HERC1: variants seen among roughly 807,000 people sequenced by gnomAD.
HERC1 encodes probable E3 ubiquitin-protein ligase HERC1.
Under a neutral mutation model 554.3 loss-of-function variants are expected in HERC1, and 160 were observed. The ratio of observed to expected loss-of-function variants is 0.29; its 90% CI spans 0.25 to 0.33. The LOEUF (loss-of-function observed/expected upper bound fraction) is 0.33. HERC1 is among the 10% of genes least tolerant of loss of function. The pLI is 1.00. For missense variants in HERC1, 4,919 were observed against 5,918.5 expected (o/e 0.83, Z 5.54); for synonymous variants, 2,175 against 2,131.7 (o/e 1.02, Z -0.56).
Position 63,640,387 on chromosome 15 carries a change from G to A in HERC1, c.11666C>T (p.Ser3889Phe). The change falls in exon 61 of 78, where the codon TCC (serine) becomes TTC (phenylalanine). Residue 3889 changes from serine to phenylalanine, a missense_variant. This residue lies in a region of HERC1 where 1,963 missense variants were observed against 2,228.6 expected (regional missense o/e 0.88). Transcript: ENST00000443617. ...ATCCAGATGAAGTCCCACAGCAAGG[G>A]AAGCCAAGCATTGCATATAGGGGCT... is the stretch of plus-strand genomic sequence containing the variant. ...VHSPYMQCLA[S>F]LAVGLHLDQL... 1 of 1,613,882 alleles carries A rather than the reference G, an allele frequency of 6.2e-7. No homozygotes were observed. The highest frequency in any genetic ancestry group is 8.5e-7 in the Non-Finnish European group (1 of 1,179,808).
At chr15:63,771,278 A>T (rs904197360) in intron 2 of HERC1, among the ~76,000 whole-genome samples, 5 of 152,118 alleles carry the variant, frequency 3.3e-5, no homozygotes, top group African/African-American at 9.7e-5. Context: ...AATAACAAAT[A>T]TATAATTCAG....
chr15:63,614,417 A>G (rs1162713515), intron 76 of HERC1, among the ~76,000 whole-genome samples: 2 of 152,246 alleles, frequency 1.3e-5, no homozygotes, highest in African/African-American at 4.8e-5. Flanking sequence ...ATTTCTAGTC[A>G]GTTATTTATT....
intron 3 of HERC1, among the ~76,000 whole-genome samples, chr15:63,760,534 A>G (rs1348171081): frequency 6.6e-6 from 1 of 151,852 alleles, no homozygotes; most frequent in African/African-American, 2.4e-5. Context: ...GAAATAAGAG[A>G]AAAAAATCAT....
At chr15:63,653,824 C>T (rs189182570) in intron 51 of HERC1, among the ~76,000 whole-genome samples, 4 of 152,272 alleles carry the variant, frequency 2.6e-5, no homozygotes, top group Admixed American at 6.5e-5. Flanking sequence ...GCAGAACCCA[C>T]GGATACAGAG....
In HERC1 at chr15:63,624,287, A is replaced by G; in HGVS notation, c.13316T>C (p.Val4439Ala). ...TAACAAAGGCCGAAGTTGTCCCTGT[A>G]CAATGCCCCAAGTTCCAGCATTATA... is the stretch of plus-strand genomic sequence containing the variant. The part of the protein sequence containing the change: ...SHYNAGTWGI[V>A]QGQLRPLLAP... Residue 4439 changes from valine (V) to alanine (A), a missense_variant, in exon 72 of 78, where the codon GTA becomes GCA. By Grantham distance (64) the Val-to-Ala change is moderately conservative. Coordinates refer to ENST00000443617, the MANE Select transcript of HERC1 (RefSeq NM_003922.4). 6.2e-7 allele frequency: 1 copy of G among 1,612,936 alleles called. No homozygotes were observed. Among genetic ancestry groups the G allele is most frequent in the Non-Finnish European group, 8.5e-7 (1 of 1,179,078 alleles).
At chr15:63,797,821 A>G (rs2076858227) in intron 1 of HERC1, among the ~76,000 whole-genome samples, 1 of 152,254 alleles carries the variant, frequency 6.6e-6, no homozygotes, top group Non-Finnish European at 1.5e-5. Context: ...CTGAATTATC[A>G]CAAAAATCCG....
intron 3 of HERC1, among the ~76,000 whole-genome samples, chr15:63,762,919 G>A (rs1054721256): frequency 1.3e-5 from 2 of 152,218 alleles, no homozygotes; most frequent in African/African-American, 4.8e-5. Context: ...GCTCTCCTAG[G>A]CTCCTATTCC....
chr15:63,689,797 C>T (rs1049325001), intron 32 of HERC1, 98 bp from the exon 33 acceptor site: 12 of 649,944 alleles, frequency 1.8e-5, no homozygotes, highest in South Asian at 2.2e-5. Flanking sequence ...AACTCGCATG[C>T]GAAGTTTGAT....
At chr15:63,648,393 C>T (rs2069469844) in intron 54 of HERC1, among the ~76,000 whole-genome samples, 194 bp from the exon 55 acceptor site, 1 of 152,174 alleles carries the variant, frequency 6.6e-6, no homozygotes, top group Non-Finnish European at 1.5e-5. Flanking sequence ...AAAAGTGTCG[C>T]TTATCTGTGA....
chr15:63,747,106 G>A, intron 11 of HERC1, 23 bp from the exon 12 acceptor site: 1 of 1,578,934 alleles, frequency 6.3e-7, no homozygotes, highest in Non-Finnish European at 8.6e-7. Flanking sequence ...AAACGTCTAT[G>A]AATTCTCGGA....
intron 34 of HERC1, among the ~76,000 whole-genome samples, chr15:63,682,411 A>G (rs1406073683): frequency 6.6e-6 from 1 of 152,178 alleles, no homozygotes; most frequent in Non-Finnish European, 1.5e-5. Context: ...TAGATGAGCC[A>G]GAGTAGAAAA....
intron 59 of HERC1, 101 bp from the exon 60 acceptor site, chr15:63,641,744 T>C: frequency 1.0e-6 from 1 of 961,808 alleles, no homozygotes; most frequent in Non-Finnish European, 1.5e-6. Context: ...CTGGGACATC[T>C]TTGCTTTTTG....
chr15:63,646,680 C>T lies in HERC1; in HGVS notation c.10879-998G>A, dbSNP rs184696226. Among the ~76,000 whole-genome samples, 712 of 150,796 alleles carry T rather than the reference C, an allele frequency of 4.7e-3. 10 individuals are homozygous for T. The highest frequency in any genetic ancestry group is 0.017 in the African/African-American group (683 of 41,126). On this transcript the variant is annotated intron_variant, in intron 55 of 77. Coordinates refer to ENST00000443617, the MANE Select transcript of HERC1 (RefSeq NM_003922.4). ...AAAATTAGCCGGGAGTGGTGGCGGGCGCCTGTAATCCCAGCTACTCAGGAG... is the reference window on the plus strand; with the variant it reads ...AAAATTAGCCGGGAGTGGTGGCGGGTGCCTGTAATCCCAGCTACTCAGGAG...
chr15:63,654,365 G>A (rs201366252), intron 50 of HERC1, 41 bp from the exon 51 acceptor site: 1 of 1,496,206 alleles, frequency 6.7e-7, no homozygotes, highest in East Asian at 2.3e-5. Context: ...CATACAATTG[G>A]GCAATTAAAC....
At chr15:63,826,908 T>C (rs2077957273) in intron 1 of HERC1, among the ~76,000 whole-genome samples, 1 of 146,328 alleles carries the variant, frequency 6.8e-6, no homozygotes, top group South Asian at 2.2e-4. Flanking sequence ...ATTGGTATAC[T>C]TGTGGAGGAA....
intron 39 of HERC1, among the ~76,000 whole-genome samples, chr15:63,671,174 GC>G (rs1380967956): frequency 6.9e-6 from 1 of 145,262 alleles, no homozygotes; most frequent in African/African-American, 2.6e-5. Flanking sequence ...CTGCACTCCA[GC>G]CTGGGCAACA....
Position 63,718,249 on chromosome 15 carries a change from C to A in HERC1, c.3978+325G>T, listed in dbSNP as rs1425974420. On this transcript the variant is annotated intron_variant, in intron 21 of 77. Transcript: ENST00000443617. This position sits in a 1 kb window ranked among gnomAD's most constrained non-coding sequence, Gnocchi z 4.2. ...TTAATGTCCCTCATAAATTATGGCACCCCAAATTAAACAGGATAATTCAAA... is the reference window on the plus strand; with the variant it reads ...TTAATGTCCCTCATAAATTATGGCAACCCAAATTAAACAGGATAATTCAAA... Among the ~76,000 whole-genome samples the A allele has an allele frequency of 6.6e-6, 1 of 152,062 alleles. No homozygotes were observed. Among genetic ancestry groups the A allele is most frequent in the Non-Finnish European group, 1.5e-5 (1 of 68,008 alleles).
chr15:63,674,826 G>A lies in HERC1; in HGVS notation c.7362C>T (p.Thr2454=). ...TTTCATTTTCTGATTTGGAGCTTGTGGTACTCTGACTTTTGACGTCATCAG... is the reference window on the plus strand; with the variant it reads ...TTTCATTTTCTGATTTGGAGCTTGTAGTACTCTGACTTTTGACGTCATCAG... ...LTSDDVKSQS[T]TSSKSENEIA... is the part of the protein sequence containing the mutation. The change falls in exon 38 of 78, where the codon ACC becomes ACT. Residue 2454 remains threonine (T), a synonymous_variant. Coordinates refer to ENST00000443617, the MANE Select transcript of HERC1 (RefSeq NM_003922.4). 2 of 1,613,824 alleles carry A rather than the reference G, an allele frequency of 1.2e-6. No individual in the cohort carries two copies. Among genetic ancestry groups the A allele is most frequent in the Non-Finnish European group, 1.7e-6 (2 of 1,179,806 alleles).
At chr15:63,657,879 A>G (rs2152919832) in intron 48 of HERC1, among the ~76,000 whole-genome samples, 1 of 152,310 alleles carries the variant, frequency 6.6e-6, no homozygotes, top group Middle Eastern at 3.4e-3. Flanking sequence ...CAGTTACTGA[A>G]AAAAACAGCC....
Sources: gnomAD v4.1 joint callset for allele counts (sites outside exome capture counted in the v4.1 genomes callset) on GRCh38, gnomAD v4.1.1 for gene constraint, gnomAD v4.1.1 regional missense constraint, Gnocchi (gnomAD v3.1) non-coding constraint, MANE v1.5 for transcripts, NCBI Gene and HGNC (gene_info 2026-07-23, HGNC 2026-07-21) for gene names.